Variants in JMY observed in about 807,000 individuals in gnomAD.
The protein encoded by JMY is junction-mediating and -regulatory protein.
Under a neutral mutation model 103.3 loss-of-function variants are expected in JMY, and 46 were observed. That is an observed-to-expected ratio of 0.45 (90% confidence interval 0.35 to 0.57). The LOEUF (loss-of-function observed/expected upper bound fraction) is 0.57, where lower values mean the gene tolerates loss of function less well. JMY is among the 20% of genes least tolerant of loss of function. The pLI is 0.00. For missense variants in JMY, 1,238 were observed against 1,255.2 expected (o/e 0.99, Z 0.21); for synonymous variants, 526 against 489.3 (o/e 1.07, Z -0.99).
intron 2 of JMY, 76 bp from the exon 3 acceptor site, chr5:79,290,045 A>G (rs987189945): frequency 1.8e-5 from 18 of 1,013,070 alleles, no homozygotes; most frequent in Admixed American, 5.3e-5. Flanking sequence ...TCTTTGTGGT[A>G]TATAAACTTT....
intron 1 of JMY, among the ~76,000 whole-genome samples, chr5:79,255,128 C>CTCTTTTTTTTT (rs1554048584): frequency 7.2e-6 from 1 of 139,810 alleles, no homozygotes; most frequent in Non-Finnish European, 1.5e-5. Flanking sequence ...TCTCTCTCTC[C>CTCTTTTTTTTT]TTTTTTTTGA....
At chr5:79,257,092 G>A (rs895429477) in intron 1 of JMY, among the ~76,000 whole-genome samples, 2 of 145,594 alleles carry the variant, frequency 1.4e-5, no homozygotes, top group African/African-American at 5.1e-5. Context: ...TTTTTGAGAT[G>A]GAGTCTCACT....
intron 1 of JMY, among the ~76,000 whole-genome samples, chr5:79,269,556 TC>T (rs1745681119): frequency 6.6e-6 from 1 of 152,212 alleles, no homozygotes; most frequent in Non-Finnish European, 1.5e-5. Context: ...TATTGAGTCT[TC>T]CTATGCATAC....
chr5:79,311,790 T>TTA (rs1419460401), intron 7 of JMY, among the ~76,000 whole-genome samples: 3 of 152,038 alleles, frequency 2.0e-5, no homozygotes, highest in Non-Finnish European at 4.4e-5. Context: ...TAACTGCTGG[T>TTA]TATATTGGTT....
chr5:79,246,898 G>A (rs989403193), intron 1 of JMY, among the ~76,000 whole-genome samples: 1 of 151,868 alleles, frequency 6.6e-6, no homozygotes, highest in African/African-American at 2.4e-5. Flanking sequence ...AAAAAAGTAT[G>A]CTATAAAGCA....
chr5:79,266,457 T>G (rs1205799912), intron 1 of JMY, among the ~76,000 whole-genome samples: 1 of 152,232 alleles, frequency 6.6e-6, no homozygotes, highest in Non-Finnish European at 1.5e-5. Flanking sequence ...GCGTTTTGTA[T>G]TTTTAATTGA....
chr5:79,263,874 T>G (rs1193829891), intron 1 of JMY, among the ~76,000 whole-genome samples: 2 of 151,624 alleles, frequency 1.3e-5, no homozygotes, highest in African/African-American at 4.9e-5. Context: ...CTCGGCTCAC[T>G]GCAGTCTCCG....
chr5:79,251,014 A>G (rs1745069735), intron 1 of JMY, among the ~76,000 whole-genome samples: 1 of 152,072 alleles, frequency 6.6e-6, no homozygotes, highest in African/African-American at 2.4e-5. Flanking sequence ...GTGATTTTCA[A>G]AGGATCCAGA....
intron 1 of JMY, among the ~76,000 whole-genome samples, chr5:79,272,340 T>C (rs1391524127): frequency 6.6e-6 from 1 of 152,218 alleles, no homozygotes. Flanking sequence ...TTAAAGAGTT[T>C]AGTCCATTTA....
At position 79,236,568 on chromosome 5, in the gene JMY, C is replaced by A; in HGVS notation, c.-83C>A. On this transcript the variant is annotated 5_prime_UTR_variant, in exon 1 of 11. Transcript: ENST00000396137. ...GCTGAAGGCGCCCGGCGAGGGTGAG[C>A]GGGGGGCGCGGCGCAGCCAGCGGGG... 2 of 1,139,060 alleles carry A rather than the reference C, an allele frequency of 1.8e-6. No individual in the cohort carries two copies. Among genetic ancestry groups the A allele is most frequent in the Non-Finnish European group, 2.3e-6 (2 of 881,230 alleles). 70.6% of individuals were successfully genotyped at this position (1,139,060 alleles called of 1,614,324 possible).
chr5:79,304,894 C>T (rs1027659121), intron 6 of JMY, among the ~76,000 whole-genome samples: 2 of 152,166 alleles, frequency 1.3e-5, no homozygotes, highest in African/African-American at 4.8e-5. Context: ...CTGGTAGTGA[C>T]ATAAATCACC....
chr5:79,247,884 A>ATATTTTATTTTATTT (rs1168365480), intron 1 of JMY, among the ~76,000 whole-genome samples: 1 of 144,082 alleles, frequency 6.9e-6, no homozygotes, highest in African/African-American at 2.7e-5. Context: ...ATTTTATTTT[A>ATATTTTATTTTATTT]TATTTTATTT....
intron 4 of JMY, among the ~76,000 whole-genome samples, chr5:79,298,993 GT>G (rs35893235): frequency 0.67 from 102,123 of 152,008 alleles, 35,655 homozygotes; most frequent in African/African-American, 0.89. Flanking sequence ...GGTTGTCCCT[GT>G]ACAGCCAGTC....
chr5:79,293,243 G>A (rs192926360), intron 4 of JMY, among the ~76,000 whole-genome samples: 8 of 152,100 alleles, frequency 5.3e-5, no homozygotes, highest in Middle Eastern at 6.8e-3. Context: ...TGCCACAAGC[G>A]TAATACCATA....
chr5:79,264,726 A>G (rs1002820038), intron 1 of JMY, among the ~76,000 whole-genome samples: 1 of 152,168 alleles, frequency 6.6e-6, no homozygotes, highest in Non-Finnish European at 1.5e-5. Flanking sequence ...CTAACGCTGA[A>G]GATCATTCTG....
rs1373692441 is a variant in JMY at position 79,324,946 on chromosome 5, T to G, written c.*3344T>G. 1 of 152,658 alleles carries G rather than the reference T, an allele frequency of 6.6e-6. No individual in the cohort carries two copies. The highest frequency in any genetic ancestry group is 1.5e-5 in the Non-Finnish European group (1 of 68,032). 9.5% of individuals were successfully genotyped at this position (152,658 alleles called of 1,614,324 possible). On this transcript the variant is annotated 3_prime_UTR_variant, in exon 11 of 11. Transcript: ENST00000396137. Reference sequence around the variant, plus strand: ...ACAAAGTTGAACTATGTAGTAATATTTGGTAACATATGGCATGGCCACTTT... The same window carrying G: ...ACAAAGTTGAACTATGTAGTAATATGTGGTAACATATGGCATGGCCACTTT...
chr5:79,321,426 C>A (rs1011502994), intron 10 of JMY, among the ~76,000 whole-genome samples, 180 bp from the exon 11 acceptor site: 6 of 152,030 alleles, frequency 3.9e-5, no homozygotes, highest in Non-Finnish European at 8.8e-5. Flanking sequence ...ATCTAATAGT[C>A]TTTTAAAAGT....
intron 10 of JMY, among the ~76,000 whole-genome samples, chr5:79,320,164 T>A (rs1439598024): frequency 6.6e-6 from 1 of 152,096 alleles, no homozygotes. Context: ...GGTGGATCAC[T>A]TGAGCCCAGG....
chr5:79,303,423 G>A (rs985765074), intron 6 of JMY, among the ~76,000 whole-genome samples: 5 of 151,992 alleles, frequency 3.3e-5, no homozygotes, highest in African/African-American at 9.7e-5. Context: ...AAAGAGCAAG[G>A]GAAGGTGGTG....
Sources: allele counts gnomAD v4.1 joint callset (sites outside exome capture counted in the v4.1 genomes callset), GRCh38; gene constraint gnomAD v4.1.1; transcripts MANE v1.5; gene names NCBI Gene and HGNC (gene_info 2026-07-23, HGNC 2026-07-21).